Variants in IQSEC1 observed in about 807,000 individuals in gnomAD.
IQSEC1 encodes the protein IQ motif and Sec7 domain ArfGEF 1, also known as IQ motif and SEC7 domain-containing protein 1.
IQSEC1 carries 31 observed loss-of-function variants against 91.0 expected under a neutral mutation model. The ratio of observed to expected loss-of-function variants is 0.34; its 90% CI spans 0.26 to 0.46. IQSEC1 has a LOEUF of 0.46. IQSEC1 is among the 20% of genes least tolerant of loss of function. IQSEC1 has a pLI of 1.00. For missense variants in IQSEC1, 1,388 were observed against 1,575.6 expected, an observed-to-expected ratio of 0.88 and a Z score of 2.02; for synonymous variants, 699 against 662.6, an observed-to-expected ratio of 1.05 and a Z score of -0.84.
intron 1 of IQSEC1, among the ~76,000 whole-genome samples, chr3:13,011,309 T>C (rs1325193873): frequency 3.9e-5 from 6 of 152,158 alleles, no homozygotes; most frequent in African/African-American, 1.4e-4. Context: ...GATGCAAAAA[T>C]GACCATTTTT....
At chr3:13,241,131 G>A (rs1038381494) in intron 1 of IQSEC1, among the ~76,000 whole-genome samples, 1 of 152,160 alleles carries the variant, frequency 6.6e-6, no homozygotes, top group East Asian at 1.9e-4. Flanking sequence ...CCCACTGCAG[G>A]CTCTGAGAAG....
intron 1 of IQSEC1, among the ~76,000 whole-genome samples, chr3:12,959,657 G>A (rs763095574): frequency 6.6e-6 from 1 of 152,144 alleles, no homozygotes; most frequent in African/African-American, 2.4e-5. Flanking sequence ...CCAAGCACCC[G>A]CCCCAGTGAC....
At position 12,901,034 on chromosome 3, in the gene IQSEC1, C is replaced by T. The variant is rs761357915; in HGVS notation, c.3294G>A (p.Pro1098=). ...VHHHGQPPAP[P]PPTSSKAKPS... Reference sequence around the variant, plus strand: ...GTTTGGCCTTGCTGCTGGTGGGGGGCGGCGGGGCAGGGGGCTGCCCATGGT... The same window carrying T: ...GTTTGGCCTTGCTGCTGGTGGGGGGTGGCGGGGCAGGGGGCTGCCCATGGT... The change falls in exon 14 of 14, where the codon CCG becomes CCA. Residue 1098 remains proline (P), a synonymous_variant. Transcript: ENST00000613206. The T allele has an allele frequency of 1.8e-5, 26 of 1,414,502 alleles. No individual in the cohort carries two copies. The highest frequency in any genetic ancestry group is 8.6e-5 in the South Asian group (7 of 81,502). 87.6% of individuals were successfully genotyped at this position (1,414,502 alleles called of 1,614,324 possible). A position where few individuals can be genotyped will look rare whatever the true frequency, so the allele number is the denominator to read the frequency against.
chr3:13,248,718 T>A (rs1004632952), intron 1 of IQSEC1, among the ~76,000 whole-genome samples: 1 of 150,326 alleles, frequency 6.7e-6, no homozygotes, highest in Non-Finnish European at 1.5e-5. Flanking sequence ...GGCTGACAGT[T>A]ACTAATCACG....
At chr3:13,091,686 G>A (rs940967744) in intron 2 of IQSEC1, among the ~76,000 whole-genome samples, 1 of 152,174 alleles carries the variant, frequency 6.6e-6, no homozygotes, top group Non-Finnish European at 1.5e-5. Flanking sequence ...TGACCTGTCT[G>A]TTCACCCCAG....
At chr3:13,017,592 C>A (rs1361743753) in intron 1 of IQSEC1, among the ~76,000 whole-genome samples, 2 of 152,196 alleles carry the variant, frequency 1.3e-5, no homozygotes, top group Admixed American at 1.3e-4. Flanking sequence ...GGACAGTGCT[C>A]CTCACAGGGT....
chr3:13,224,168 A>G (rs1396520659), intron 1 of IQSEC1, among the ~76,000 whole-genome samples: 4 of 152,088 alleles, frequency 2.6e-5, no homozygotes, highest in Non-Finnish European at 4.4e-5. Flanking sequence ...GCGAGAGCCT[A>G]CCACAGGGGC....
intron 3 of IQSEC1, among the ~76,000 whole-genome samples, chr3:12,933,979 G>A (rs1697937624): frequency 6.6e-6 from 1 of 152,220 alleles, no homozygotes. Context: ...TGTCCACTCT[G>A]CAGGGACCCC....
At position 13,101,937 on chromosome 3, in the gene IQSEC1, T is replaced by C. The variant is rs1053578501; in HGVS notation, c.303-54415A>G. On this transcript the variant is annotated intron_variant, in intron 2 of 15. Transcript: ENST00000648114. ...AGTGCTTTGAAACTGACTCTGGCCT[T>C]GCAGGGGTGGGAGGGAGGGTGTGCA... Among the ~76,000 whole-genome samples the C allele has an allele frequency of 2.3e-5, 3 of 127,702 alleles. No homozygotes were observed. The Admixed American group carries it at 2.5e-4, about 11-fold the overall frequency. 83.8% of individuals were successfully genotyped at this position (127,702 alleles called of 152,430 possible).
At position 12,900,762 on chromosome 3, in the gene IQSEC1, G is replaced by A. The variant is rs1694170404; in HGVS notation, c.*221C>T. On this transcript the variant is annotated 3_prime_UTR_variant, in exon 14 of 14. Coordinates refer to ENST00000613206, the MANE Select transcript of IQSEC1 (RefSeq NM_001134382.3). ...GAGGCCCACCCATCCCTCAGACTGAGGTGAGCAGAGCCCAGGGTGCCAACA... is the reference window on the plus strand; with the variant it reads ...GAGGCCCACCCATCCCTCAGACTGAAGTGAGCAGAGCCCAGGGTGCCAACA... The A allele has an allele frequency of 3.5e-6, 5 of 1,434,104 alleles. No homozygotes were observed. In the South Asian group the frequency reaches 5.9e-5, roughly 17 times the overall value. The allele number at this position is 1,434,104 out of a possible 1,614,324, so 88.8% of individuals were successfully genotyped here.
rs1694508788 is a variant in IQSEC1 at position 13,214,636 on chromosome 3, C to T, written c.273-50503G>A. Among the ~76,000 whole-genome samples, 1 of 152,222 alleles carries T rather than the reference C, an allele frequency of 6.6e-6. No individual in the cohort carries two copies. The highest frequency in any genetic ancestry group is 6.5e-5 in the Admixed American group (1 of 15,292). Reference sequence around the variant, plus strand: ...GGAGGGGGCACCTCCAGGAATCCACCCTGGCAAGAGCAGGGCCACGGTGCC... The same window carrying T: ...GGAGGGGGCACCTCCAGGAATCCACTCTGGCAAGAGCAGGGCCACGGTGCC... On this transcript the variant is annotated intron_variant, in intron 1 of 15. Coordinates refer to the IQSEC1 transcript ENST00000648114. This position sits in a 1 kb window ranked among gnomAD's most constrained non-coding sequence, Gnocchi z 4.5.
At chr3:13,079,004 A>C (rs1705605486) in intron 2 of IQSEC1, among the ~76,000 whole-genome samples, 1 of 152,262 alleles carries the variant, frequency 6.6e-6, no homozygotes, top group African/African-American at 2.4e-5. Context: ...CTCCACCAAT[A>C]AACATTCAAA....
chr3:13,137,106 A>T (rs2124929799), intron 2 of IQSEC1, among the ~76,000 whole-genome samples: 1 of 152,314 alleles, frequency 6.6e-6, no homozygotes, highest in East Asian at 1.9e-4. Flanking sequence ...GCTGCACTCC[A>T]GCCTGGGCCA....
intron 2 of IQSEC1, among the ~76,000 whole-genome samples, chr3:13,117,098 T>TC (rs1432381116): frequency 6.6e-6 from 1 of 151,216 alleles, no homozygotes; most frequent in Non-Finnish European, 1.5e-5. Flanking sequence ...AAGGATCTAG[T>TC]ATCCAGAGGA....
rs1293800112 is a variant in IQSEC1 at position 12,967,965 on chromosome 3, G to A, written c.24-26100C>T. ...GGGCCGAGCCGAGGCGCGGGGTGCA[G>A]AGCGCAAGGGCGGAGTCCCAGACAC... On this transcript the variant is annotated intron_variant, in intron 1 of 13. Transcript: ENST00000613206. This position sits in a 1 kb window ranked among gnomAD's most constrained non-coding sequence, Gnocchi z 5.9. Among the ~76,000 whole-genome samples the A allele has an allele frequency of 1.4e-4, 21 of 152,142 alleles. No individual in the cohort carries two copies. Among genetic ancestry groups the A allele is most frequent in the Non-Finnish European group, 7.4e-5 (5 of 68,002 alleles).
rs143838169 is a variant in IQSEC1 at position 13,131,896 on chromosome 3, T to C, written c.302+32208A>G. Among the ~76,000 whole-genome samples, 82 of 152,338 alleles carry C rather than the reference T, an allele frequency of 5.4e-4. 1 individual carries two copies. Among genetic ancestry groups the C allele is most frequent in the African/African-American group, 1.8e-3 (75 of 41,572 alleles). ...AATATCTATAATGGTCCCATTGTAG[T>C]TTTAATCTCTATAATTTTGATTTGG... On this transcript the variant is annotated intron_variant, in intron 2 of 15. Coordinates refer to the IQSEC1 transcript ENST00000648114.
At chr3:12,993,823 C>G (rs1330701332) in intron 1 of IQSEC1, among the ~76,000 whole-genome samples, 1 of 152,154 alleles carries the variant, frequency 6.6e-6, no homozygotes, top group African/African-American at 2.4e-5. Context: ...ACCCCACAAC[C>G]CTGCGGCCGG....
chr3:13,249,805 G>C (rs1197032557), intron 1 of IQSEC1, among the ~76,000 whole-genome samples: 1 of 152,210 alleles, frequency 6.6e-6, no homozygotes, highest in Non-Finnish European at 1.5e-5. Context: ...GACGCCAACA[G>C]AGCAGACGCT....
Sources: allele counts gnomAD v4.1 joint callset (sites outside exome capture counted in the v4.1 genomes callset), GRCh38; gene constraint gnomAD v4.1.1; non-coding constraint Gnocchi (gnomAD v3.1); transcripts MANE v1.5; gene names NCBI Gene and HGNC (gene_info 2026-07-23, HGNC 2026-07-21).